ZNF823: variants seen among roughly 807,000 people sequenced by gnomAD.
The protein encoded by ZNF823 is zinc finger protein 823.
A neutral mutation model predicts 11.4 loss-of-function variants in ZNF823; 5 were observed. The ratio of observed to expected loss-of-function variants is 0.44; its 90% CI spans 0.23 to 0.92. The LOEUF (loss-of-function observed/expected upper bound fraction) is 0.92, where lower values mean the gene tolerates loss of function less well. Among genes scored for constraint, ZNF823 ranks in the 40% least tolerant of loss-of-function variants. ZNF823 has a pLI of 0.24. For missense variants in ZNF823, 582 were observed against 738.5 expected (o/e 0.79, Z 2.46); for synonymous variants, 234 against 250.5 (o/e 0.93, Z 0.62).
At position 11,724,433 on chromosome 19, in the gene ZNF823, AC is replaced by A. The variant is rs571171198; in HGVS notation, c.131-180del. On this transcript the variant is annotated intron_variant, in intron 2 of 3. Coordinates refer to ENST00000341191, the MANE Select transcript of ZNF823 (RefSeq NM_001080493.4). ...ACATGAATGTTCTTCAGTCTCTGCT[AC>A]CCCTGGGACAGCAAGACCAACCCCT... Among the ~76,000 whole-genome samples the A allele has an allele frequency of 2.7e-3, 416 of 152,166 alleles. 4 individuals carry two copies. The highest frequency in any genetic ancestry group is 9.6e-3 in the African/African-American group (397 of 41,526).
chr19:11,737,162 A>T (rs1279645488), intron 1 of ZNF823, among the ~76,000 whole-genome samples: 2 of 152,254 alleles, frequency 1.3e-5, no homozygotes. Context: ...GTGGGCTGAC[A>T]GATCACCCTG....
Position 11,722,496 on chromosome 19 carries a change from T to G in ZNF823, c.1038A>C (p.Ser346=), listed in dbSNP as rs1334150979. 3.1e-6 allele frequency: 5 copies of G among 1,614,058 alleles called. No homozygotes were observed. Among genetic ancestry groups the G allele is most frequent in the Non-Finnish European group, 4.2e-6 (5 of 1,180,034 alleles). Residue 346 remains serine, a synonymous_variant, in exon 4 of 4, where the codon TCA becomes TCC. Transcript: ENST00000341191. This position sits in a 1 kb window ranked among gnomAD's most constrained non-coding sequence, Gnocchi z 5.2. ...TGTGAGTAGTTTCATGATTTCGAAC[T>G]GAACTAGGACAATCAAAGCCTTTCC... ...ICGKGFDCPS[S]VRNHETTHTG...
At chr19:11,732,424 C>T (rs2145217879) in intron 1 of ZNF823, among the ~76,000 whole-genome samples, 1 of 151,954 alleles carries the variant, frequency 6.6e-6, no homozygotes, top group East Asian at 1.9e-4. Flanking sequence ...CTCAGCCTCC[C>T]AAAGTGCCGG....
In ZNF823 at chr19:11,724,429, T is replaced by G. The variant is rs1974752265; in HGVS notation, c.131-175A>C. 2.0e-5 allele frequency among the ~76,000 whole-genome samples: 3 copies of G among 152,140 alleles called. No individual in the cohort carries two copies. The South Asian group carries it at 6.2e-4, about 31-fold the overall frequency. ...TCATACATGAATGTTCTTCAGTCTC[T>G]GCTACCCCTGGGACAGCAAGACCAA... On this transcript the variant is annotated intron_variant, in intron 2 of 3. Transcript: ENST00000341191.
chr19:11,737,194 T>C (rs1975006300), intron 1 of ZNF823, among the ~76,000 whole-genome samples: 1 of 152,134 alleles, frequency 6.6e-6, no homozygotes, highest in African/African-American at 2.4e-5. Flanking sequence ...AAGAGGAACC[T>C]CGACTGAAAA....
intron 3 of ZNF823, 25 bp downstream of exon 3, chr19:11,724,169 G>T: frequency 6.3e-7 from 1 of 1,595,702 alleles, no homozygotes; most frequent in Non-Finnish European, 8.5e-7. Flanking sequence ...CAGGGACATA[G>T]CTTTCTTTTG....
Position 11,721,465 on chromosome 19 carries a change from G to GT in ZNF823, c.*235_*236insA. ...CTAGAGATGATTTACACAGTATACT[G>GT]GAAGATATGCATAGGTTACATGCAA... is the stretch of plus-strand genomic sequence containing the variant. On this transcript the variant is annotated 3_prime_UTR_variant, in exon 4 of 4. Transcript: ENST00000341191. The GT allele has an allele frequency of 2.1e-6, 1 of 475,188 alleles. No homozygotes were observed. The allele number at this position is 475,188 out of a possible 1,614,324, so 29.4% of individuals were successfully genotyped here. A position where few individuals can be genotyped will look rare whatever the true frequency, so the allele number is the denominator to read the frequency against.
chr19:11,729,926 T>TC (rs34424205), intron 1 of ZNF823, among the ~76,000 whole-genome samples: 2 of 53,590 alleles, frequency 3.7e-5, no homozygotes, highest in East Asian at 9.7e-4. Context: ...GTAAAGAATC[T>TC]TTTTTTTTTT....
In ZNF823 at chr19:11,722,058, G is replaced by C. The variant is rs1225614472; in HGVS notation, c.1476C>G (p.Thr492=). ...ACTCATAAGGTTTTTCTACTGTGTG[G>C]GTCCTTTTATGTTGAGAAAGGTATT... ...CFKYLSQHKR[T]HTVEKPYECK... Residue 492 remains threonine (T), a synonymous_variant, in exon 4 of 4, where the codon ACC becomes ACG. Transcript: ENST00000341191. This position sits in a 1 kb window ranked among gnomAD's most constrained non-coding sequence, Gnocchi z 5.2. 1 of 1,609,144 alleles carries C rather than the reference G, an allele frequency of 6.2e-7. No homozygotes were observed. The highest frequency in any genetic ancestry group is 2.2e-5 in the East Asian group (1 of 44,610).
intron 1 of ZNF823, among the ~76,000 whole-genome samples, chr19:11,738,054 G>A (rs917902462): frequency 6.6e-6 from 1 of 152,188 alleles, no homozygotes; most frequent in Non-Finnish European, 1.5e-5. Context: ...GGAACTGCGA[G>A]CCAGGCTGGA....
At chr19:11,724,963 T>C (rs1255558372) in intron 2 of ZNF823, among the ~76,000 whole-genome samples, 1 of 152,204 alleles carries the variant, frequency 6.6e-6, no homozygotes, top group Non-Finnish European at 1.5e-5. Flanking sequence ...TGGATTAATC[T>C]AATGTTTATG....
intron 1 of ZNF823, among the ~76,000 whole-genome samples, chr19:11,735,823 A>G (rs1974983170): frequency 2.0e-5 from 3 of 152,192 alleles, no homozygotes; most frequent in Admixed American, 2.0e-4. Context: ...AGAAAACCAC[A>G]ACGCATCTAT....
At chr19:11,736,730 AAC>A (rs890674838) in intron 1 of ZNF823, among the ~76,000 whole-genome samples, 1 of 152,178 alleles carries the variant, frequency 6.6e-6, no homozygotes, top group African/African-American at 2.4e-5. Flanking sequence ...GGCTGACTGG[AAC>A]ACAGACAAAT....
chr19:11,726,128 AG>A (rs1194290909), intron 1 of ZNF823: 1 of 150,344 alleles, frequency 6.7e-6, no homozygotes, highest in African/African-American at 2.4e-5. Context: ...CTGTAGTCCC[AG>A]CTACCCAGGA....
At chr19:11,732,491 G>T (rs1360211057) in intron 1 of ZNF823, among the ~76,000 whole-genome samples, 2 of 149,106 alleles carry the variant, frequency 1.3e-5, no homozygotes, top group Non-Finnish European at 3.0e-5. Flanking sequence ...AGTAGAAACG[G>T]GGTTTCACCG....
intron 1 of ZNF823, 44 bp from the exon 2 acceptor site, chr19:11,725,371 A>G (rs778739560): frequency 1.2e-6 from 2 of 1,608,468 alleles, no homozygotes; most frequent in Admixed American, 3.4e-5. Context: ...TGAGATGGAC[A>G]GCACTGAGAA....
chr19:11,737,659 A>G (rs530056836), intron 1 of ZNF823, among the ~76,000 whole-genome samples: 1 of 152,056 alleles, frequency 6.6e-6, no homozygotes, highest in African/African-American at 2.4e-5. Context: ...CATCTTTTAA[A>G]AAGAGCCATA....
rs1007033779 is a variant in ZNF823, at chr19:11,738,937, G to A, written c.-118C>T. On this transcript the variant is annotated 5_prime_UTR_variant, in exon 1 of 4. Transcript: ENST00000341191. ...CTCTCAGCGCCAGAGCCAGGACTCA[G>A]AGCGCAGGGGCGTGGAGAAGACTCC... The A allele has an allele frequency of 5.3e-6, 7 of 1,323,886 alleles. No individual in the cohort carries two copies. The highest frequency in any genetic ancestry group is 2.8e-5 in the East Asian group (1 of 35,740). The allele number at this position is 1,323,886 out of a possible 1,614,324, so 82.0% of individuals were successfully genotyped here.
chr19:11,730,103 T>A (rs925841550), intron 1 of ZNF823, among the ~76,000 whole-genome samples: 2 of 152,018 alleles, frequency 1.3e-5, no homozygotes, highest in Admixed American at 6.6e-5. Flanking sequence ...TAATTTTGTA[T>A]TTTTAGTAGA....
Sources: gnomAD v4.1 joint callset for allele counts (sites outside exome capture counted in the v4.1 genomes callset) on GRCh38, gnomAD v4.1.1 for gene constraint, Gnocchi (gnomAD v3.1) non-coding constraint, MANE v1.5 for transcripts, NCBI Gene and HGNC (gene_info 2026-07-23, HGNC 2026-07-21) for gene names.